The following OSBPL10 variants were observed in gnomAD, a reference collection of about 807,000 sequenced individuals.
OSBPL10 encodes the protein oxysterol-binding protein-related protein 10.
A neutral mutation model predicts 81.7 loss-of-function variants in OSBPL10; 49 were observed. The ratio of observed to expected loss-of-function variants is 0.60; its 90% CI spans 0.48 to 0.76. The LOEUF (loss-of-function observed/expected upper bound fraction) is 0.76, where lower values mean the gene tolerates loss of function less well. Among genes scored for constraint, OSBPL10 ranks in the 30% least tolerant of loss-of-function variants. The pLI, the probability that OSBPL10 is intolerant of heterozygous loss-of-function variation, is 0.00. For missense variants in OSBPL10, 923 were observed against 987.8 expected (o/e 0.93, Z 0.88); for synonymous variants, 419 against 383.6 (o/e 1.09, Z -1.08).
At chr3:31,989,196 A>G in intron 2 of OSBPL10, 1 of 1,614,160 alleles carries the variant, frequency 6.2e-7, no homozygotes, top group Non-Finnish European at 8.5e-7. Context: ...AGGAGTGGAA[A>G]TGCCTGGACC....
At chr3:31,885,249 ACACT>A (rs1414008243) in intron 1 of OSBPL10, among the ~76,000 whole-genome samples, 14 of 152,150 alleles carry the variant, frequency 9.2e-5, no homozygotes, top group South Asian at 4.1e-4. Context: ...ACATATAAAC[ACACT>A]CACACAGGTA....
chr3:31,872,503 T>C lies in OSBPL10; in HGVS notation c.537+3930A>G, dbSNP rs1391362593. On this transcript the variant is annotated intron_variant, in intron 3 of 11. Transcript: ENST00000396556. The stretch of plus-strand genomic sequence containing the variant: ...AATTGATTTAGGGTTATTCACACTT[T>C]CAATTTTTCCAAGTAAGAATATTAA... 7.2e-5 allele frequency among the ~76,000 whole-genome samples: 11 copies of C among 151,856 alleles called. No homozygotes were observed. In the East Asian group the frequency reaches 2.1e-3, roughly 29 times the overall value.
intron 1 of OSBPL10, among the ~76,000 whole-genome samples, chr3:31,905,344 G>GTTTTTTTTTTTTTTTTTTTTTT (rs1575608407): frequency 5.7e-5 from 4 of 70,712 alleles, no homozygotes; most frequent in East Asian, 5.3e-4. Flanking sequence ...GGAACCTGGT[G>GTTTTTTTTTTTTTTTTTTTTTT]ATTTTTTTTT....
intron 1 of OSBPL10, among the ~76,000 whole-genome samples, chr3:31,938,541 C>G (rs6550088): frequency 0.28 from 42,106 of 152,000 alleles, 6,963 homozygotes; most frequent in East Asian, 0.55. Flanking sequence ...ATAGAGCCCA[C>G]TTTGTCGCCC....
chr3:31,726,459 G>T (rs1374336839), intron 6 of OSBPL10, among the ~76,000 whole-genome samples: 2 of 151,914 alleles, frequency 1.3e-5, no homozygotes, highest in Non-Finnish European at 2.9e-5. Flanking sequence ...TGGGATTGTA[G>T]GCACCCACCA....
chr3:31,829,737 C>A (rs534593517), intron 4 of OSBPL10, among the ~76,000 whole-genome samples: 2 of 152,160 alleles, frequency 1.3e-5, no homozygotes, highest in Non-Finnish European at 2.9e-5. Context: ...TGAGGTTTGG[C>A]CTAGTCTTTG....
At chr3:31,852,191 C>A (rs1205614698) in intron 3 of OSBPL10, among the ~76,000 whole-genome samples, 1 of 152,142 alleles carries the variant, frequency 6.6e-6, no homozygotes, top group African/African-American at 2.4e-5. Context: ...GACCTACCCG[C>A]AAGATTGTTG....
chr3:31,906,047 C>T (rs774956938), intron 1 of OSBPL10, among the ~76,000 whole-genome samples: 2 of 152,092 alleles, frequency 1.3e-5, no homozygotes, highest in Non-Finnish European at 2.9e-5. Flanking sequence ...TAAGTTTCTT[C>T]GATTCCACAA....
intron 2 of OSBPL10, among the ~76,000 whole-genome samples, chr3:32,016,911 C>T (rs2125542926): frequency 6.6e-6 from 1 of 152,302 alleles, no homozygotes; most frequent in East Asian, 1.9e-4. Context: ...AAAGACCTGG[C>T]ACCCACATGG....
At chr3:31,945,246 C>A (rs1697666427) in intron 1 of OSBPL10, among the ~76,000 whole-genome samples, 1 of 151,930 alleles carries the variant, frequency 6.6e-6, no homozygotes, top group Non-Finnish European at 1.5e-5. Context: ...AAAATTCCCT[C>A]CCTCATCAGC....
intron 1 of OSBPL10, among the ~76,000 whole-genome samples, chr3:31,949,667 CAAAAAAAAAAAA>C (rs56002214): frequency 2.2e-3 from 58 of 26,242 alleles, no homozygotes; most frequent in Middle Eastern, 0.083. Context: ...GACTCTGTCT[CAAAAAAAAAAAA>C]AAAAAAAAAA....
intron 1 of OSBPL10, among the ~76,000 whole-genome samples, chr3:31,975,631 C>T (rs1326122001): frequency 6.6e-6 from 1 of 152,102 alleles, no homozygotes; most frequent in Non-Finnish European, 1.5e-5. Flanking sequence ...AGTCATACTC[C>T]CTGATCCAGA....
At chr3:31,986,944 C>G (rs1333422920) in intron 2 of OSBPL10, among the ~76,000 whole-genome samples, 8 of 152,086 alleles carry the variant, frequency 5.3e-5, no homozygotes, top group African/African-American at 1.7e-4. Flanking sequence ...AAATTTGAGG[C>G]TGCAGTGAGC....
At chr3:32,018,708 T>A (rs1259451999) in intron 2 of OSBPL10, among the ~76,000 whole-genome samples, 1 of 151,872 alleles carries the variant, frequency 6.6e-6, no homozygotes, top group Non-Finnish European at 1.5e-5. Flanking sequence ...GACTCTGTCC[T>A]AAGGAAAAAA....
chr3:31,684,957 G>C (rs771179979), intron 7 of OSBPL10, among the ~76,000 whole-genome samples: 4 of 152,180 alleles, frequency 2.6e-5, no homozygotes. Context: ...AACTCTGGTA[G>C]AGATAAGACA....
chr3:32,076,649 T>C (rs1215142624), intron 1 of OSBPL10, among the ~76,000 whole-genome samples: 4 of 152,098 alleles, frequency 2.6e-5, no homozygotes, highest in Non-Finnish European at 4.4e-5. Context: ...GAAAGAGTAT[T>C]TCACACAAAG....
chr3:31,986,619 A>G (rs1698937533), intron 2 of OSBPL10, among the ~76,000 whole-genome samples: 1 of 152,172 alleles, frequency 6.6e-6, no homozygotes, highest in South Asian at 2.1e-4. Flanking sequence ...TTTATACGAA[A>G]AAATACAAAT....
chr3:31,872,919 C>A (rs1701367670), intron 3 of OSBPL10, among the ~76,000 whole-genome samples: 1 of 152,206 alleles, frequency 6.6e-6, no homozygotes, highest in Non-Finnish European at 1.5e-5. Context: ...CCACCACATC[C>A]AGCCTCAAAA....
At chr3:31,898,772 A>G (rs1696138427) in intron 1 of OSBPL10, among the ~76,000 whole-genome samples, 1 of 152,032 alleles carries the variant, frequency 6.6e-6, no homozygotes, top group African/African-American at 2.4e-5. Context: ...GAAATGATGA[A>G]TAAATAAAAT....
Sources: gnomAD v4.1 joint callset for allele counts (sites outside exome capture counted in the v4.1 genomes callset) on GRCh38, gnomAD v4.1.1 for gene constraint, MANE v1.5 for transcripts, NCBI Gene and HGNC (gene_info 2026-07-23, HGNC 2026-07-21) for gene names.